RASGEF1C: variants seen among roughly 807,000 people sequenced by gnomAD.
The protein encoded by RASGEF1C is RasGEF domain family member 1C, also known as ras-GEF domain-containing family member 1C.
A neutral mutation model predicts 58.1 loss-of-function variants in RASGEF1C; 27 were observed. The observed-to-expected ratio is 0.46, with a 90% CI of 0.34 to 0.64. The LOEUF is 0.64. Ranked by LOEUF, RASGEF1C falls within the 30% of genes least tolerant of loss-of-function variation. RASGEF1C has a pLI of 0.01. For missense variants in RASGEF1C, 502 were observed against 605.1 expected, an observed-to-expected ratio of 0.83 and a Z score of 1.79; for synonymous variants, 243 against 246.3, an observed-to-expected ratio of 0.99 and a Z score of 0.13.
chr5:180,152,166 C>T (rs1321965311), intron 1 of RASGEF1C, among the ~76,000 whole-genome samples: 14 of 151,902 alleles, frequency 9.2e-5, no homozygotes, highest in African/African-American at 3.4e-4. Context: ...TGTGGCGATC[C>T]CTCAGGGATC....
chr5:180,103,142 A>G (rs1765818319), intron 12 of RASGEF1C, among the ~76,000 whole-genome samples: 1 of 152,114 alleles, frequency 6.6e-6, no homozygotes, highest in African/African-American at 2.4e-5. Flanking sequence ...CAGTGGCGCG[A>G]TCTCGGCTCA....
rs1449530200 is a variant in RASGEF1C at position 180,156,103 on chromosome 5, TC to T, written c.-6-18046del. Among the ~76,000 whole-genome samples, 1 of 152,104 alleles carries T rather than the reference TC, an allele frequency of 6.6e-6. No homozygotes were observed. The highest frequency in any genetic ancestry group is 1.5e-5 in the Non-Finnish European group (1 of 67,990). ...CTTCCTCAACCGGTCCCACTCCTCATCCCCCTAACCTCTAGACAAGACCATG... is the reference window on the plus strand; with the variant it reads ...CTTCCTCAACCGGTCCCACTCCTCATCCCCTAACCTCTAGACAAGACCATG... On this transcript the variant is annotated intron_variant, in intron 1 of 13. Coordinates refer to ENST00000361132, the MANE Select transcript of RASGEF1C (RefSeq NM_175062.4). This position sits in a 1 kb window ranked among gnomAD's most constrained non-coding sequence, Gnocchi z 4.9.
chr5:180,187,873 A>T (rs1756069453), intron 1 of RASGEF1C, among the ~76,000 whole-genome samples: 1 of 152,228 alleles, frequency 6.6e-6, no homozygotes, highest in South Asian at 2.1e-4. Context: ...ATGTGGAGAA[A>T]CGGGAAACCT....
chr5:180,153,617 T>C (rs1401540413), intron 1 of RASGEF1C, among the ~76,000 whole-genome samples: 1 of 152,234 alleles, frequency 6.6e-6, no homozygotes, highest in African/African-American at 2.4e-5. Flanking sequence ...CTTCTCTTCA[T>C]TACATCTTTA....
intron 11 of RASGEF1C, among the ~76,000 whole-genome samples, chr5:180,112,646 G>GC (rs1454791330): frequency 6.6e-6 from 1 of 152,234 alleles, no homozygotes; most frequent in Non-Finnish European, 1.5e-5. Flanking sequence ...TGGGAGAAGA[G>GC]CCCCCTCCTT....
chr5:180,151,199 A>T (rs1485822648), intron 1 of RASGEF1C, among the ~76,000 whole-genome samples: 6 of 152,222 alleles, frequency 3.9e-5, no homozygotes, highest in African/African-American at 7.2e-5. Context: ...CTTTCTTCAC[A>T]GAATTGGAAA....
intron 10 of RASGEF1C, among the ~76,000 whole-genome samples, chr5:180,118,374 A>G (rs1054880703): frequency 6.6e-6 from 1 of 152,170 alleles, no homozygotes; most frequent in African/African-American, 2.4e-5. Context: ...GGATGACCCC[A>G]GGCAGCCCGG....
intron 1 of RASGEF1C, among the ~76,000 whole-genome samples, chr5:180,144,969 C>T (rs542092415): frequency 1.6e-4 from 24 of 152,314 alleles, no homozygotes; most frequent in African/African-American, 2.9e-4. Flanking sequence ...TTGTAACATG[C>T]GTCAGAATTT....
intron 1 of RASGEF1C, among the ~76,000 whole-genome samples, chr5:180,189,786 G>T (rs1438396040): frequency 6.6e-6 from 1 of 151,914 alleles, no homozygotes; most frequent in African/African-American, 2.4e-5. Context: ...AGCCAGGCAT[G>T]GTGGTGGGTG....
At chr5:180,111,699 G>T in intron 11 of RASGEF1C, 119 bp from the exon 12 acceptor site, 1 of 1,086,106 alleles carries the variant, frequency 9.2e-7, no homozygotes, top group Non-Finnish European at 1.4e-6. Flanking sequence ...GGGCTCTGAG[G>T]AGGAGCAGGG....
rs184023722 is a variant in RASGEF1C at position 180,158,891 on chromosome 5, C to T, written c.-6-20833G>A. Among the ~76,000 whole-genome samples, 4 of 152,206 alleles carry T rather than the reference C, an allele frequency of 2.6e-5. No individual in the cohort carries two copies. The highest frequency in any genetic ancestry group is 1.3e-4 in the Admixed American group (2 of 15,288). Reference sequence around the variant, plus strand: ...AATTCTTAGCACTCATTTTTGGACCCCCTGGACTTGTCCTCCAATTTAAAA... The same window carrying T: ...AATTCTTAGCACTCATTTTTGGACCTCCTGGACTTGTCCTCCAATTTAAAA... On this transcript the variant is annotated intron_variant, in intron 1 of 13. Transcript: ENST00000361132. This position sits in a 1 kb window ranked among gnomAD's most constrained non-coding sequence, Gnocchi z 4.0.
At chr5:180,186,232 A>G (rs1445286877) in intron 1 of RASGEF1C, among the ~76,000 whole-genome samples, 1 of 152,188 alleles carries the variant, frequency 6.6e-6, no homozygotes, top group Non-Finnish European at 1.5e-5. Flanking sequence ...AAAAAGAAGT[A>G]GTAAAATGAT....
At chr5:180,126,384 G>T (rs1306235139) in intron 6 of RASGEF1C, among the ~76,000 whole-genome samples, 1 of 152,094 alleles carries the variant, frequency 6.6e-6, no homozygotes, top group African/African-American at 2.4e-5. Flanking sequence ...TCCAGCCTGG[G>T]CGACAGAGTG....
chr5:180,133,449 G>A (rs1015531109), intron 4 of RASGEF1C, among the ~76,000 whole-genome samples: 1 of 152,150 alleles, frequency 6.6e-6, no homozygotes, highest in African/African-American at 2.4e-5. Context: ...CCCTGTGAGG[G>A]AAGAATGATC....
chr5:180,188,028 A>G (rs191001800), intron 1 of RASGEF1C, among the ~76,000 whole-genome samples: 6 of 152,346 alleles, frequency 3.9e-5, no homozygotes, highest in Non-Finnish European at 5.9e-5. Flanking sequence ...ATACTTGTAC[A>G]TGAGTGATCA....
At chr5:180,173,641 A>G (rs138723036) in intron 1 of RASGEF1C, among the ~76,000 whole-genome samples, 2,366 of 152,266 alleles carry the variant, frequency 0.016, 70 homozygotes, top group African/African-American at 0.053. Context: ...TTGGCCGGGC[A>G]CGGTGGCTCC....
At chr5:180,152,646 T>C (rs1230895691) in intron 1 of RASGEF1C, among the ~76,000 whole-genome samples, 14 of 150,092 alleles carry the variant, frequency 9.3e-5, no homozygotes, top group African/African-American at 2.5e-4. Context: ...CACACCAACA[T>C]GGCACATGTA....
chr5:180,130,844 G>A (rs977977862), intron 4 of RASGEF1C, among the ~76,000 whole-genome samples: 8 of 152,104 alleles, frequency 5.3e-5, no homozygotes, highest in African/African-American at 1.9e-4. Context: ...GCGGCGGTCC[G>A]TCATATGGCC....
chr5:180,173,923 A>ACC (rs753537952), intron 1 of RASGEF1C, among the ~76,000 whole-genome samples: 1,703 of 123,560 alleles, frequency 0.014, 14 homozygotes, highest in South Asian at 0.029. Context: ...AACAACCACC[A>ACC]AAAAAAAAAA....
Sources: allele counts gnomAD v4.1 joint callset (sites outside exome capture counted in the v4.1 genomes callset), GRCh38; gene constraint gnomAD v4.1.1; non-coding constraint Gnocchi (gnomAD v3.1); transcripts MANE v1.5; gene names NCBI Gene and HGNC (gene_info 2026-07-23, HGNC 2026-07-21).